The following C1orf159 variants were observed in gnomAD, a reference collection of about 807,000 sequenced individuals.
C1orf159 encodes uncharacterized protein C1orf159.
C1orf159 carries 19 observed loss-of-function variants against 25.6 expected under a neutral mutation model. That is an observed-to-expected ratio of 0.74 (90% CI 0.52 to 1.09). C1orf159 has a LOEUF of 1.09. Ranked by LOEUF, C1orf159 falls within the 50% of genes least tolerant of loss-of-function variation. The pLI is 0.00. For missense variants in C1orf159, 274 were observed against 290.6 expected, an observed-to-expected ratio of 0.94 and a Z score of 0.42; for synonymous variants, 139 against 124.7, an observed-to-expected ratio of 1.12 and a Z score of -0.77.
In C1orf159 at chr1:1,092,067, A is replaced by G. The variant is rs961769668; in HGVS notation, c.-99T>C. 9 of 453,840 alleles carry G rather than the reference A, an allele frequency of 2.0e-5. No homozygotes were observed. The highest frequency in any genetic ancestry group is 4.0e-5 in the African/African-American group (2 of 50,014). The allele number at this position is 453,840 out of a possible 1,614,324, so 28.1% of individuals were successfully genotyped here. ...GTTCAGGGGTTAGCTCTGGGAGCTC[A>G]TGGGCTCAGCTGAGCCCTGCAGACC... On this transcript the variant is annotated 5_prime_UTR_variant, in exon 2 of 10. It removes an upstream start codon present in the reference 5' UTR. Transcript: ENST00000421241.
chr1:1,103,570 CGCAGGGG>C (rs1646132117), intron 1 of C1orf159, among the ~76,000 whole-genome samples: 1 of 152,164 alleles, frequency 6.6e-6, no homozygotes, highest in South Asian at 2.1e-4. Context: ...ACAGGGTGCA[CGCAGGGG>C]TCAGGGGTCT....
intron 1 of C1orf159, among the ~76,000 whole-genome samples, chr1:1,107,788 A>G (rs146778537): frequency 7.0e-4 from 106 of 152,292 alleles, no homozygotes; most frequent in African/African-American, 2.5e-3. Context: ...GCTCTTTGCA[A>G]TAAATCTTGC....
rs764824144 is a variant in C1orf159, at chr1:1,087,096, C to A, written c.310+43G>T. 2.6e-5 allele frequency: 41 copies of A among 1,582,906 alleles called. 1 individual carries two copies. In the South Asian group the frequency reaches 4.4e-4, roughly 17 times the overall value. On this transcript the variant is annotated intron_variant, in intron 6 of 9. Coordinates refer to ENST00000421241, the MANE Select transcript of C1orf159 (RefSeq NM_017891.5). The surrounding 1 kb of genome is among the most constrained non-coding windows in gnomAD (Gnocchi z 8.3). ...GCACTGGCTCCGACGGCCCCCAGCC[C>A]CCAGGACACCGGCAGAGGTGGCTGT...
In C1orf159 at chr1:1,092,063, G is replaced by C. The variant is rs1440344919; in HGVS notation, c.-95C>G. The C allele has an allele frequency of 6.6e-6, 3 of 453,918 alleles. No individual in the cohort carries two copies. The highest frequency in any genetic ancestry group is 1.3e-5 in the Non-Finnish European group (3 of 225,828). The allele number at this position is 453,918 out of a possible 1,614,324, so 28.1% of individuals were successfully genotyped here. A position where few individuals can be genotyped will look rare whatever the true frequency, so the allele number is the denominator to read the frequency against. On this transcript the variant is annotated 5_prime_UTR_variant, in exon 2 of 10. Coordinates refer to ENST00000421241, the MANE Select transcript of C1orf159 (RefSeq NM_017891.5). ...GGGTGTTCAGGGGTTAGCTCTGGGA[G>C]CTCATGGGCTCAGCTGAGCCCTGCA...
rs541072052 is a variant in C1orf159, at chr1:1,089,271, A to G, written c.148+1082T>C. On this transcript the variant is annotated intron_variant, in intron 4 of 9. Transcript: ENST00000421241. This position sits in a 1 kb window ranked among gnomAD's most constrained non-coding sequence, Gnocchi z 7.5. ...CCTCCATGGGCACCGTGACTGCTGC[A>G]CAGCTGCCTGCACCCACAGAGTGCC... 1.3e-5 allele frequency among the ~76,000 whole-genome samples: 2 copies of G among 152,220 alleles called. No individual in the cohort carries two copies. The highest frequency in any genetic ancestry group is 4.8e-5 in the African/African-American group (2 of 41,536).
At chr1:1,090,543 C>A (rs1645912371) in intron 3 of C1orf159, 115 bp from the exon 4 acceptor site, 1 of 1,123,030 alleles carries the variant, frequency 8.9e-7, no homozygotes, top group Admixed American at 2.0e-5. Context: ...GCAGCTCCGG[C>A]CTCTTCTGGA....
chr1:1,085,451 C>A (rs957354703), intron 7 of C1orf159: 10 of 287,142 alleles, frequency 3.5e-5, no homozygotes, highest in Non-Finnish European at 7.1e-5. Context: ...GTGGCGTAGG[C>A]TGGGGTGTGG....
At chr1:1,108,224 C>G (rs1167549751) in intron 1 of C1orf159, among the ~76,000 whole-genome samples, 3 of 131,780 alleles carry the variant, frequency 2.3e-5, no homozygotes, top group Non-Finnish European at 4.7e-5. Context: ...ACCACAGCCA[C>G]CATGTCTCAG....
intron 1 of C1orf159, among the ~76,000 whole-genome samples, chr1:1,101,367 C>A (rs1646097448): frequency 6.6e-6 from 1 of 152,146 alleles, no homozygotes; most frequent in African/African-American, 2.4e-5. Context: ...CTTGTAGTCC[C>A]AGCTACTTGG....
At chr1:1,115,817 C>A (rs1343930877) in intron 1 of C1orf159, among the ~76,000 whole-genome samples, 1 of 137,560 alleles carries the variant, frequency 7.3e-6, no homozygotes, top group Non-Finnish European at 1.6e-5. Flanking sequence ...TCAGCCCGGG[C>A]GCCTTTCCCC....
At chr1:1,088,378 G>A (rs1340084691) in intron 4 of C1orf159, among the ~76,000 whole-genome samples, 5 of 115,464 alleles carry the variant, frequency 4.3e-5, no homozygotes, top group African/African-American at 7.1e-5. Flanking sequence ...TGCCTGGAGC[G>A]GCTGCCTCGC....
intron 9 of C1orf159, 88 bp downstream of exon 9, chr1:1,084,265 A>G: frequency 6.6e-7 from 1 of 1,519,714 alleles, no homozygotes; most frequent in Non-Finnish European, 8.8e-7. Context: ...AGAGCCAGGC[A>G]AACCCGTTTG....
intron 1 of C1orf159, among the ~76,000 whole-genome samples, chr1:1,106,290 G>C (rs935958345): frequency 6.6e-6 from 1 of 152,152 alleles, no homozygotes; most frequent in African/African-American, 2.4e-5. Flanking sequence ...GTCACTATTA[G>C]GGAAATGCAA....
chr1:1,085,296 C>T (rs2100740812), intron 7 of C1orf159: 1 of 431,150 alleles, frequency 2.3e-6, no homozygotes, highest in Admixed American at 2.5e-5. Context: ...GGCAGGGACC[C>T]TGCGGGGGCC....
At position 1,082,805 on chromosome 1, in the gene C1orf159, C is replaced by T. The variant is rs938765127; in HGVS notation, c.*88G>A. 20 of 1,235,080 alleles carry T rather than the reference C, an allele frequency of 1.6e-5. No homozygotes were observed. The highest frequency in any genetic ancestry group is 1.3e-4 in the African/African-American group (9 of 66,702). 76.5% of individuals were successfully genotyped at this position (1,235,080 alleles called of 1,614,324 possible). Reference sequence around the variant, plus strand: ...GCCCAGGACTGTCCCGGGCGCCGGGCGATGCCAACACTTTGTGCTGGTTCC... The same window carrying T: ...GCCCAGGACTGTCCCGGGCGCCGGGTGATGCCAACACTTTGTGCTGGTTCC... On this transcript the variant is annotated 3_prime_UTR_variant, in exon 10 of 10. Coordinates refer to ENST00000421241, the MANE Select transcript of C1orf159 (RefSeq NM_017891.5).
intron 1 of C1orf159, among the ~76,000 whole-genome samples, chr1:1,098,190 C>T (rs895010377): frequency 9.9e-5 from 15 of 152,068 alleles, no homozygotes; most frequent in Admixed American, 2.6e-4. Context: ...CTGCCCCAGC[C>T]GCCCGAGTAG....
rs940896561 is a variant in C1orf159 at position 1,087,489 on chromosome 1, C to T, written c.244+13G>A. The T allele has an allele frequency of 4.5e-6, 7 of 1,542,692 alleles. No individual in the cohort carries two copies. Among genetic ancestry groups the T allele is most frequent in the Non-Finnish European group, 6.1e-6 (7 of 1,141,448 alleles). ...CTGTGAGAAGGGAGCCGGGGGGAGCCGGGCAGACCTACAGCTTCTACACTC... is the reference window on the plus strand; with the variant it reads ...CTGTGAGAAGGGAGCCGGGGGGAGCTGGGCAGACCTACAGCTTCTACACTC... On this transcript the variant is annotated intron_variant, in intron 5 of 9. Coordinates refer to ENST00000421241, the MANE Select transcript of C1orf159 (RefSeq NM_017891.5). The surrounding 1 kb of genome is among the most constrained non-coding windows in gnomAD (Gnocchi z 8.3).
At chr1:1,106,052 TA>T (rs1646166857) in intron 1 of C1orf159, 1 of 151,994 alleles carries the variant, frequency 6.6e-6, no homozygotes, top group Non-Finnish European at 1.5e-5. Flanking sequence ...AGGAACCACT[TA>T]AAAAACAACA....
chr1:1,108,231 T>G (rs1228627090), intron 1 of C1orf159, among the ~76,000 whole-genome samples: 7 of 79,662 alleles, frequency 8.8e-5, no homozygotes, highest in Non-Finnish European at 1.5e-4. Context: ...CCACCATGTC[T>G]CAGCAGCACC....
Sources: allele counts gnomAD v4.1 joint callset (sites outside exome capture counted in the v4.1 genomes callset), GRCh38; gene constraint gnomAD v4.1.1; non-coding constraint Gnocchi (gnomAD v3.1); transcripts MANE v1.5; gene names NCBI Gene and HGNC (gene_info 2026-07-23, HGNC 2026-07-21).